SSBP3: variants seen among roughly 807,000 people sequenced by gnomAD.
SSBP3 encodes single stranded DNA binding protein 3, also known as single-stranded DNA-binding protein 3.
SSBP3 carries 5 observed loss-of-function variants against 69.6 expected under a neutral mutation model. The ratio of observed to expected loss-of-function variants is 0.07; its 90% CI spans 0.04 to 0.15. The LOEUF (loss-of-function observed/expected upper bound fraction) is 0.15, where lower values mean the gene tolerates loss of function less well. Ranked by LOEUF, SSBP3 falls within the 10% of genes least tolerant of loss-of-function variation. The probability of loss-of-function intolerance (pLI) is 1.00; values close to 1 mark genes in which losing one functional copy is unlikely to be tolerated. For synonymous variants in SSBP3, 196 were observed against 193.4 expected (o/e 1.01, Z -0.11); for missense variants, 312 against 534.0 (o/e 0.58, Z 4.10).
chr1:54,337,168 G>C (rs961859804), intron 4 of SSBP3, among the ~76,000 whole-genome samples: 6 of 152,156 alleles, frequency 3.9e-5, no homozygotes, highest in Admixed American at 3.3e-4. Context: ...CTTCACAGTG[G>C]AATCGGCCAG....
intron 4 of SSBP3, among the ~76,000 whole-genome samples, chr1:54,331,389 T>C (rs1445814780): frequency 3.9e-5 from 6 of 152,126 alleles, no homozygotes; most frequent in Admixed American, 1.3e-4. Context: ...TGAAACAGGA[T>C]TAGTTCAGAA....
intron 4 of SSBP3, among the ~76,000 whole-genome samples, chr1:54,394,002 C>G (rs972318415): frequency 3.9e-5 from 6 of 152,180 alleles, no homozygotes; most frequent in East Asian, 1.9e-4. Flanking sequence ...TCAAGTGATT[C>G]GCCTGCCTCG....
chr1:54,409,941 A>C (rs1649945004), upstream of SSBP3, among the ~76,000 whole-genome samples: 1 of 152,188 alleles, frequency 6.6e-6, no homozygotes, highest in African/African-American at 2.4e-5. Flanking sequence ...TCTCAGATCC[A>C]GCCTGGGCAG....
chr1:54,230,226 G>GC (rs1341116591), intron 14 of SSBP3, among the ~76,000 whole-genome samples: 4 of 152,022 alleles, frequency 2.6e-5, no homozygotes, highest in African/African-American at 9.7e-5. Flanking sequence ...TCTCCAGTGG[G>GC]CCCCCCACCA....
intron 4 of SSBP3, among the ~76,000 whole-genome samples, chr1:54,370,906 C>T (rs1224867970): frequency 6.6e-6 from 1 of 151,916 alleles, no homozygotes; most frequent in Non-Finnish European, 1.5e-5. Flanking sequence ...CAAGGGATCC[C>T]AGTGTCTTTG....
At chr1:54,263,191 G>C (rs630602) in intron 5 of SSBP3, among the ~76,000 whole-genome samples, 93,752 of 151,542 alleles carry the variant, frequency 0.62, 29,585 homozygotes, top group South Asian at 0.74. Context: ...CACACTGACA[G>C]CGTGGGGAGC....
At chr1:54,247,305 G>GT (rs1278065945) in intron 9 of SSBP3, among the ~76,000 whole-genome samples, 1 of 152,232 alleles carries the variant, frequency 6.6e-6, no homozygotes, top group East Asian at 1.9e-4. Context: ...ACACAGTGCT[G>GT]TATTTCCCTT....
chr1:54,348,390 GC>G (rs1646726573), intron 4 of SSBP3, among the ~76,000 whole-genome samples: 2 of 152,052 alleles, frequency 1.3e-5, no homozygotes, highest in Admixed American at 6.6e-5. Context: ...CTCCTGCCTT[GC>G]CCCCTCAGCC....
chr1:54,244,143 G>A (rs918594549), intron 9 of SSBP3, among the ~76,000 whole-genome samples: 1 of 151,048 alleles, frequency 6.6e-6, no homozygotes, highest in African/African-American at 2.4e-5. Context: ...CACTCTTGTT[G>A]CCCAGGCAGG....
intron 4 of SSBP3, among the ~76,000 whole-genome samples, chr1:54,299,007 TACAA>T (rs1645752638): frequency 6.7e-6 from 1 of 148,496 alleles, no homozygotes; most frequent in Non-Finnish European, 1.5e-5. Flanking sequence ...GGCATGGAGA[TACAA>T]ACACTCACAA....
At chr1:54,305,747 T>C (rs952069935) in intron 4 of SSBP3, among the ~76,000 whole-genome samples, 1 of 151,626 alleles carries the variant, frequency 6.6e-6, no homozygotes, top group Non-Finnish European at 1.5e-5. Context: ...AGTGAGCCAC[T>C]GCGTCCGGCT....
chr1:54,310,711 G>A (rs1645986468), intron 4 of SSBP3, among the ~76,000 whole-genome samples: 1 of 151,548 alleles, frequency 6.6e-6, no homozygotes, highest in African/African-American at 2.4e-5. Flanking sequence ...CTGGGTGGGT[G>A]GGCCTAGAGA....
intron 4 of SSBP3, among the ~76,000 whole-genome samples, chr1:54,291,517 G>A (rs138707748): frequency 1.6e-3 from 245 of 152,302 alleles, no homozygotes; most frequent in Non-Finnish European, 2.0e-3. Flanking sequence ...AGCAGATGCC[G>A]TCTAAGCCTT....
At chr1:54,270,304 G>C (rs1645170815) in intron 5 of SSBP3, among the ~76,000 whole-genome samples, 1 of 152,148 alleles carries the variant, frequency 6.6e-6, no homozygotes, top group African/African-American at 2.4e-5. Flanking sequence ...GCAAGCCCGG[G>C]AGGAAAAGAA....
rs957679652 is a variant in SSBP3 at position 54,374,794 on chromosome 1, C to T, written c.276+27067G>A. Among the ~76,000 whole-genome samples the T allele has an allele frequency of 4.6e-5, 7 of 152,326 alleles. 1 individual carries two copies. The highest frequency in any genetic ancestry group is 1.7e-4 in the African/African-American group (7 of 41,566). ...CCCCACCTAATCCAACGTGAGATAT[C>T]AGGGCTATCAACGTGAGCTAACTGA... On this transcript the variant is annotated intron_variant, in intron 4 of 17. Transcript: ENST00000610401.
At chr1:54,372,182 C>G (rs370431925) in intron 4 of SSBP3, among the ~76,000 whole-genome samples, 2 of 152,214 alleles carry the variant, frequency 1.3e-5, no homozygotes, top group East Asian at 3.8e-4. Context: ...CTTCCCTTCT[C>G]TGTGGCTCAG....
At chr1:54,232,555 C>A (rs1388252079) in intron 14 of SSBP3, among the ~76,000 whole-genome samples, 2 of 152,020 alleles carry the variant, frequency 1.3e-5, no homozygotes, top group Admixed American at 1.3e-4. Context: ...CATAGTGAGA[C>A]CTCATCTCTA....
At chr1:54,387,942 C>T (rs1382061293) in intron 4 of SSBP3, among the ~76,000 whole-genome samples, 3 of 152,182 alleles carry the variant, frequency 2.0e-5, no homozygotes, top group Non-Finnish European at 2.9e-5. Context: ...ATACAAGCAA[C>T]GGCCTCCATT....
At chr1:54,290,316 T>C (rs1265466894) in intron 4 of SSBP3, among the ~76,000 whole-genome samples, 1 of 151,986 alleles carries the variant, frequency 6.6e-6, no homozygotes, top group Non-Finnish European at 1.5e-5. Context: ...ACATGACCCT[T>C]AGGTAAGGTG....
Sources: allele counts gnomAD v4.1 joint callset (sites outside exome capture counted in the v4.1 genomes callset), GRCh38; gene constraint gnomAD v4.1.1; transcripts MANE v1.5; gene names NCBI Gene and HGNC (gene_info 2026-07-23, HGNC 2026-07-21).